BTD: variants seen among roughly 807,000 people sequenced by gnomAD.
BTD encodes the protein biotinidase, also known as biocytinase.
Under a neutral mutation model 17.7 loss-of-function variants are expected in BTD, and 13 were observed. That is an observed-to-expected ratio of 0.74 (90% CI 0.48 to 1.17). BTD has a LOEUF of 1.17. Ranked by LOEUF, BTD falls within the 50% of genes most tolerant of loss-of-function variation. The probability of loss-of-function intolerance (pLI) is 0.00; values close to 1 mark genes in which losing one functional copy is unlikely to be tolerated. For synonymous variants in BTD, 240 were observed against 245.2 expected, an observed-to-expected ratio of 0.98 and a Z score of 0.20; for missense variants, 674 against 650.4, an observed-to-expected ratio of 1.04 and a Z score of -0.39.
At chr3:15,665,121 G>C (rs1215501776) in intron 3 of BTD, among the ~76,000 whole-genome samples, 1 of 152,170 alleles carries the variant, frequency 6.6e-6, no homozygotes, top group Non-Finnish European at 1.5e-5. Flanking sequence ...ATAGGGGAAA[G>C]GGGAATGAGA....
chr3:15,631,598 G>A lies in BTD; in HGVS notation c.-16-3826G>A. 7.7e-6 allele frequency: 8 copies of A among 1,042,224 alleles called. No individual in the cohort carries two copies. The Admixed American group carries it at 8.1e-5, about 11-fold the overall frequency. 64.6% of individuals were successfully genotyped at this position (1,042,224 alleles called of 1,614,324 possible). On this transcript the variant is annotated intron_variant, in intron 1 of 3. Coordinates refer to ENST00000643237, the MANE Select transcript of BTD (RefSeq NM_001370658.1). ...TAATTGAGACTGATTTTTCCTATTA[G>A]ATGGAAAGAACCTTCCTGATCAGGA...
chr3:15,642,456 T>C (rs1447181737), intron 3 of BTD, among the ~76,000 whole-genome samples: 5 of 137,578 alleles, frequency 3.6e-5, no homozygotes, highest in African/African-American at 1.2e-4. Context: ...GACATCCTCT[T>C]TTTTTTTTTT....
At chr3:15,621,527 G>T (rs983600035) in intron 1 of BTD, among the ~76,000 whole-genome samples, 1 of 151,874 alleles carries the variant, frequency 6.6e-6, no homozygotes, top group African/African-American at 2.4e-5. Context: ...ATACATATAG[G>T]CCTCTTCAGA....
chr3:15,699,010 C>G (rs992204984), intron 3 of BTD, among the ~76,000 whole-genome samples: 1 of 152,156 alleles, frequency 6.6e-6, no homozygotes, highest in African/African-American at 2.4e-5. Context: ...GCTACAGTAA[C>G]CAAAACAGCA....
rs935305475 is a variant in BTD, at chr3:15,650,416, ATCTTTT to A, written c.*4936_*4941del. 5.0e-5 allele frequency among the ~76,000 whole-genome samples: 7 copies of A among 138,836 alleles called. No individual in the cohort carries two copies. Among genetic ancestry groups the A allele is most frequent in the Admixed American group, 7.8e-5 (1 of 12,752 alleles). 91.1% of individuals were successfully genotyped at this position (138,836 alleles called of 152,430 possible). On this transcript the variant is annotated 3_prime_UTR_variant, in exon 4 of 4. Coordinates refer to ENST00000643237, the MANE Select transcript of BTD (RefSeq NM_001370658.1). ...TCTCATTTTCCTTCTCATTCTCTTC[ATCTTTT>A]TCTTTTTGTTTGAGCAAAAAAAAAA...
downstream of BTD, among the ~76,000 whole-genome samples, chr3:15,715,540 T>C (rs966107280): frequency 6.6e-6 from 1 of 152,246 alleles, no homozygotes; most frequent in Non-Finnish European, 1.5e-5. Flanking sequence ...CAAGTAATTT[T>C]ACAGAAGTTC....
intron 3 of BTD, among the ~76,000 whole-genome samples, chr3:15,698,072 G>C (rs1488635731): frequency 6.6e-6 from 1 of 151,976 alleles, no homozygotes; most frequent in Non-Finnish European, 1.5e-5. Context: ...TGAGCTCGGT[G>C]GTGATATTCC....
chr3:15,668,056 C>A (rs1283890841), intron 3 of BTD: 1 of 152,234 alleles, frequency 6.6e-6, no homozygotes, highest in Non-Finnish European at 1.5e-5. Flanking sequence ...GACCCAGGCC[C>A]AAAGACAGAA....
chr3:15,609,543 C>T (rs2064554737), intron 1 of BTD, among the ~76,000 whole-genome samples: 1 of 152,172 alleles, frequency 6.6e-6, no homozygotes, highest in African/African-American at 2.4e-5. Context: ...AATTTATACT[C>T]CCAACATTTG....
chr3:15,640,686 T>G (rs1341949000), intron 2 of BTD, among the ~76,000 whole-genome samples: 1 of 152,158 alleles, frequency 6.6e-6, no homozygotes, highest in African/African-American at 2.4e-5. Context: ...CTGCCATGCT[T>G]GGCCGTATTT....
chr3:15,678,151 G>A, intron 3 of BTD: 1 of 1,489,490 alleles, frequency 6.7e-7, no homozygotes, highest in Non-Finnish European at 9.0e-7. Flanking sequence ...TGGGATCTAA[G>A]TTATACATAA....
At chr3:15,687,523 A>C (rs1264529110) in intron 3 of BTD, among the ~76,000 whole-genome samples, 1 of 152,216 alleles carries the variant, frequency 6.6e-6, no homozygotes, top group African/African-American at 2.4e-5. Flanking sequence ...TTAAAGAAAT[A>C]CATTAGAAAA....
intron 3 of BTD, among the ~76,000 whole-genome samples, chr3:15,700,947 T>C (rs1183359808): frequency 6.6e-6 from 1 of 152,240 alleles, no homozygotes; most frequent in Non-Finnish European, 1.5e-5. Context: ...AGTGTATTCA[T>C]GTTCAAATTC....
chr3:15,629,608 C>A (rs2065152544), intron 1 of BTD, among the ~76,000 whole-genome samples: 1 of 152,162 alleles, frequency 6.6e-6, no homozygotes. Flanking sequence ...ACTGCAACCT[C>A]CGCCGCCCGA....
intron 3 of BTD, among the ~76,000 whole-genome samples, chr3:15,701,185 A>G (rs1406877232): frequency 6.6e-6 from 1 of 152,232 alleles, no homozygotes. Context: ...CAATGCTAAC[A>G]CTTATTTCTT....
chr3:15,691,118 A>C (rs1188668760), intron 3 of BTD, among the ~76,000 whole-genome samples: 1 of 151,890 alleles, frequency 6.6e-6, no homozygotes, highest in African/African-American at 2.4e-5. Context: ...TGTCAGACTG[A>C]AGTTGTCTTT....
chr3:15,642,215 C>G, intron 3 of BTD, 158 bp downstream of exon 3: 1 of 1,489,078 alleles, frequency 6.7e-7, no homozygotes, highest in South Asian at 1.3e-5. Context: ...CATGTTCATT[C>G]CATTAAAGAA....
chr3:15,696,264 A>T (rs1227297324), intron 3 of BTD: 2 of 1,424,486 alleles, frequency 1.4e-6, no homozygotes, highest in East Asian at 2.4e-5. Context: ...AACAACAACA[A>T]CATACTGAAA....
chr3:15,642,357 C>T (rs2065536225), intron 3 of BTD: 2 of 971,684 alleles, frequency 2.1e-6, no homozygotes, highest in South Asian at 2.0e-5. Context: ...ACAGCCTGCA[C>T]CTCATCCCAT....
Sources: gnomAD v4.1 joint callset for allele counts (sites outside exome capture counted in the v4.1 genomes callset) on GRCh38, gnomAD v4.1.1 for gene constraint, MANE v1.5 for transcripts, NCBI Gene and HGNC (gene_info 2026-07-23, HGNC 2026-07-21) for gene names.